Variants in EFCAB6 observed in about 807,000 individuals in gnomAD.
EFCAB6 encodes the protein EF-hand calcium-binding domain-containing protein 6.
A neutral mutation model predicts 169.8 loss-of-function variants in EFCAB6; 156 were observed. That is an observed-to-expected ratio of 0.92 (90% CI 0.81 to 1.05). EFCAB6 has a LOEUF of 1.05. Ranked by LOEUF, EFCAB6 falls within the 50% of genes least tolerant of loss-of-function variation. The probability of loss-of-function intolerance (pLI) is 0.00; values close to 1 mark genes in which losing one functional copy is unlikely to be tolerated. For synonymous variants in EFCAB6, 698 were observed against 676.4 expected (o/e 1.03, Z -0.50); for missense variants, 1,800 against 1,829.1 (o/e 0.98, Z 0.29).
chr22:43,590,248 C>A lies in EFCAB6; in HGVS notation c.2877-19G>T, dbSNP rs755145571. ...CTTATCCCTGAAAGAGAGTACATTG[C>A]AGACATACCCTAAAATCAGGAAAAC... is the stretch of plus-strand genomic sequence containing the variant. On this transcript the variant is annotated intron_variant, in intron 23 of 31. Coordinates refer to ENST00000262726, the MANE Select transcript of EFCAB6 (RefSeq NM_022785.4). 5.0e-6 allele frequency: 8 copies of A among 1,604,430 alleles called. No individual in the cohort carries two copies. Among genetic ancestry groups the A allele is most frequent in the Non-Finnish European group, 6.8e-6 (8 of 1,175,484 alleles).
At chr22:43,673,573 C>T (rs945650952) in intron 13 of EFCAB6, among the ~76,000 whole-genome samples, 29 of 152,050 alleles carry the variant, frequency 1.9e-4, no homozygotes, top group Non-Finnish European at 4.0e-4. Flanking sequence ...GTCAGGAGTT[C>T]GAGACTAGCC....
chr22:43,674,650 C>T (rs1014208), intron 13 of EFCAB6, among the ~76,000 whole-genome samples: 1 of 152,056 alleles, frequency 6.6e-6, no homozygotes, highest in Admixed American at 6.5e-5. Flanking sequence ...CCACTTGCCA[C>T]GTAGAGAAGG....
At chr22:43,691,003 T>C (rs921861025) in intron 10 of EFCAB6, among the ~76,000 whole-genome samples, 1 of 152,030 alleles carries the variant, frequency 6.6e-6, no homozygotes, top group Non-Finnish European at 1.5e-5. Context: ...AATACTTCTA[T>C]AGCATTTTTG....
intron 17 of EFCAB6, among the ~76,000 whole-genome samples, chr22:43,641,058 G>A (rs768501517): frequency 6.6e-6 from 1 of 152,192 alleles, no homozygotes; most frequent in Non-Finnish European, 1.5e-5. Context: ...ACACATGGCA[G>A]GCACTCAACA....
chr22:43,615,127 T>C (rs183466994), intron 21 of EFCAB6, among the ~76,000 whole-genome samples: 119 of 152,370 alleles, frequency 7.8e-4, no homozygotes, highest in Admixed American at 2.4e-3. Context: ...GAGGTATTTT[T>C]CAAAATAATG....
At position 43,600,202 on chromosome 22, in the gene EFCAB6, T is replaced by C. The variant is rs190235149; in HGVS notation, c.2743A>G (p.Asn915Asp). The change falls in exon 23 of 32, where the codon AAC (asparagine) becomes GAC (aspartate). Residue 915 changes from asparagine (N) to aspartate (D), a missense_variant. By Grantham distance (23) the Asn-to-Asp change is conservative. Coordinates refer to ENST00000262726, the MANE Select transcript of EFCAB6 (RefSeq NM_022785.4). ...YQEFLQKLGI[N>D]YSPAVHRPCA... ...GGCCGATGGACAGCAGGCGAATAGT[T>C]AATACCCAATTTCTGTAAAAATTCC... 6.1e-5 allele frequency: 99 copies of C among 1,614,160 alleles called. No homozygotes were observed. In the East Asian group the frequency reaches 2.2e-3, roughly 35 times the overall value.
intron 13 of EFCAB6, among the ~76,000 whole-genome samples, chr22:43,675,352 TAC>T (rs2057691273): frequency 9.0e-6 from 1 of 110,888 alleles, no homozygotes; most frequent in Non-Finnish European, 2.0e-5. Context: ...TACTATATTA[TAC>T]TATAATATAT....
chr22:43,605,966 T>A (rs888759079), intron 22 of EFCAB6, among the ~76,000 whole-genome samples: 1 of 152,178 alleles, frequency 6.6e-6, no homozygotes, highest in African/African-American at 2.4e-5. Context: ...TCCTAGGAAC[T>A]GCACGATTGA....
intron 13 of EFCAB6, among the ~76,000 whole-genome samples, chr22:43,675,480 GTAA>G (rs1237522410): frequency 5.3e-5 from 6 of 112,214 alleles, no homozygotes; most frequent in African/African-American, 1.6e-4. Flanking sequence ...AATATAATAT[GTAA>G]TATTATATAA....
At chr22:43,568,750 G>A (rs772816166) in intron 26 of EFCAB6, among the ~76,000 whole-genome samples, 13 of 152,180 alleles carry the variant, frequency 8.5e-5, no homozygotes, top group Non-Finnish European at 1.9e-4. Context: ...AAGGGAGAAT[G>A]AGACCTCATC....
intron 26 of EFCAB6, among the ~76,000 whole-genome samples, chr22:43,556,598 T>C (rs935717805): frequency 7.2e-5 from 11 of 152,238 alleles, no homozygotes; most frequent in African/African-American, 2.4e-4. Flanking sequence ...TCATGTTTTA[T>C]TTTAAGCAGC....
At chr22:43,800,899 G>A (rs908027531) in intron 2 of EFCAB6, among the ~76,000 whole-genome samples, 3 of 152,186 alleles carry the variant, frequency 2.0e-5, no homozygotes, top group African/African-American at 7.2e-5. Context: ...TTGAGCAAGA[G>A]CAAGGGGTAC....
At chr22:43,531,106 G>A in intron 30 of EFCAB6, 142 bp from the exon 31 acceptor site, 1 of 1,144,572 alleles carries the variant, frequency 8.7e-7, no homozygotes, top group Non-Finnish European at 1.2e-6. Flanking sequence ...GAATCGAGGA[G>A]GGAGCCTGCC....
chr22:43,637,797 TG>T (rs2055525649), intron 17 of EFCAB6, among the ~76,000 whole-genome samples: 1 of 152,234 alleles, frequency 6.6e-6, no homozygotes, highest in Non-Finnish European at 1.5e-5. Flanking sequence ...TAGAAAGCCG[TG>T]GCCCCCGCAG....
intron 20 of EFCAB6, among the ~76,000 whole-genome samples, chr22:43,624,955 G>C (rs1330890439): frequency 2.0e-5 from 3 of 152,144 alleles, no homozygotes; most frequent in African/African-American, 7.2e-5. Flanking sequence ...GAAGAATTTT[G>C]TTTGTTTGTT....
At chr22:43,804,231 C>T (rs2062831424) in intron 2 of EFCAB6, among the ~76,000 whole-genome samples, 1 of 151,996 alleles carries the variant, frequency 6.6e-6, no homozygotes, top group South Asian at 2.1e-4. Context: ...ACCGATGAAT[C>T]AATGAAGAAA....
Position 43,667,168 on chromosome 22 carries a change from T to G in EFCAB6, c.1919A>C (p.Lys640Thr). The stretch of plus-strand genomic sequence containing the variant: ...CTTGCTGAAGTCAAGAAATCGTTTT[T>G]TGAATGCCGGGTCCTGCTGCTGTAT... ...KCIQQQDPAFKKRFLDFSKEP... is the reference protein window; with the variant it reads ...KCIQQQDPAFTKRFLDFSKEP... The change falls in exon 17 of 32, where the codon AAA (lysine) becomes ACA (threonine). Residue 640 changes from lysine to threonine, a missense_variant. Coordinates refer to ENST00000262726, the MANE Select transcript of EFCAB6 (RefSeq NM_022785.4). The G allele has an allele frequency of 6.2e-7, 1 of 1,614,200 alleles. No homozygotes were observed. Among genetic ancestry groups the G allele is most frequent in the South Asian group, 1.1e-5 (1 of 91,082 alleles).
rs568624562 is a variant in EFCAB6 at position 43,578,486 on chromosome 22, T to C, written c.3228+1978A>G. Among the ~76,000 whole-genome samples the C allele has an allele frequency of 1.4e-4, 21 of 152,200 alleles. No individual in the cohort carries two copies. The East Asian group carries it at 3.9e-3, about 28-fold the overall frequency. On this transcript the variant is annotated intron_variant, in intron 25 of 31. Coordinates refer to ENST00000262726, the MANE Select transcript of EFCAB6 (RefSeq NM_022785.4). ...ACGCTGCCTTGTTCTCTTCGATGCC[T>C]GCCCTCTGCAGAAAGCATCTTCCCT...
chr22:43,756,250 G>T (rs552343419), intron 5 of EFCAB6, among the ~76,000 whole-genome samples: 1 of 152,284 alleles, frequency 6.6e-6, no homozygotes, highest in South Asian at 2.1e-4. Flanking sequence ...CACATGTGAG[G>T]AAGTGGAGGC....
Sources: allele counts gnomAD v4.1 joint callset (sites outside exome capture counted in the v4.1 genomes callset), GRCh38; gene constraint gnomAD v4.1.1; transcripts MANE v1.5; gene names NCBI Gene and HGNC (gene_info 2026-07-23, HGNC 2026-07-21).